The following HDAC4 variants were observed in gnomAD, a reference collection of about 807,000 sequenced individuals.
The protein encoded by HDAC4 is histone deacetylase 4.
In HDAC4, 16 loss-of-function variants were observed where a neutral mutation model predicts 135.1. The observed-to-expected ratio is 0.12, with a 90% CI of 0.08 to 0.18. The LOEUF (loss-of-function observed/expected upper bound fraction) is 0.18, where lower values mean the gene tolerates loss of function less well. Among genes scored for constraint, HDAC4 ranks in the 10% least tolerant of loss-of-function variants. HDAC4 has a pLI of 1.00. For synonymous variants in HDAC4, 685 were observed against 653.4 expected, an observed-to-expected ratio of 1.05 and a Z score of -0.74; for missense variants, 1,143 against 1,511.8, an observed-to-expected ratio of 0.76 and a Z score of 4.05.
At chr2:239,270,097 T>C (rs1245327347) in intron 2 of HDAC4, among the ~76,000 whole-genome samples, 1 of 152,206 alleles carries the variant, frequency 6.6e-6, no homozygotes, top group Non-Finnish European at 1.5e-5. Flanking sequence ...GAGCTCAGGA[T>C]GTCACCAGCC....
chr2:239,120,463 A>G (rs551621610), intron 12 of HDAC4, among the ~76,000 whole-genome samples: 1 of 152,044 alleles, frequency 6.6e-6, no homozygotes, highest in South Asian at 2.1e-4. Flanking sequence ...ACATATACAC[A>G]TGAAGAGACA....
chr2:239,335,446 C>A (rs1258845557), intron 2 of HDAC4, among the ~76,000 whole-genome samples: 1 of 134,482 alleles, frequency 7.4e-6, no homozygotes, highest in East Asian at 2.5e-4. Flanking sequence ...TATAGAATAT[C>A]TTCAAATAGG....
chr2:239,367,760 G>A (rs1414452500), intron 1 of HDAC4, among the ~76,000 whole-genome samples: 2 of 152,166 alleles, frequency 1.3e-5, no homozygotes, highest in African/African-American at 2.4e-5. Context: ...GGCTGAGGCC[G>A]GTGGATCACC....
intron 1 of HDAC4, among the ~76,000 whole-genome samples, chr2:239,358,047 G>A (rs371172597): frequency 2.6e-5 from 4 of 152,256 alleles, no homozygotes; most frequent in Middle Eastern, 3.4e-3. Context: ...CCAAGCTACC[G>A]AAGCTCACTG....
rs143329672 is a variant in HDAC4 at position 239,087,564 on chromosome 2, C to T, written c.2439G>A (p.Thr813=). 14 of 1,613,396 alleles carry T rather than the reference C, an allele frequency of 8.7e-6. No homozygotes were observed. Among genetic ancestry groups the T allele is most frequent in the South Asian group, 4.4e-5 (4 of 90,892 alleles). The change falls in exon 19 of 27, where the codon ACG becomes ACA. Residue 813 remains threonine, a synonymous_variant. Transcript: ENST00000543185. ...GGGCTGCGGCGTGTACTCACATGGG[C>T]GTGCTCTCCTCCGCATGGTGTCCAG... ...RPPGHHAEES[T]PMGFCYFNSV...
intron 9 of HDAC4, among the ~76,000 whole-genome samples, chr2:239,138,627 C>G (rs1366537752): frequency 6.6e-6 from 1 of 152,200 alleles, no homozygotes; most frequent in Non-Finnish European, 1.5e-5. Flanking sequence ...GCCCTGCAGT[C>G]AGGCCCACCC....
intron 13 of HDAC4, among the ~76,000 whole-genome samples, chr2:239,113,331 A>G (rs908690827): frequency 6.6e-6 from 1 of 151,852 alleles, no homozygotes; most frequent in Non-Finnish European, 1.5e-5. Flanking sequence ...GAGCTGCAGC[A>G]GGAGCTGGAG....
chr2:239,272,972 C>A (rs920791321), intron 2 of HDAC4, among the ~76,000 whole-genome samples: 2 of 152,182 alleles, frequency 1.3e-5, no homozygotes, highest in Admixed American at 6.5e-5. Flanking sequence ...AGAGACCAGA[C>A]CTGCAGGTCT....
At chr2:239,355,808 T>C (rs4852053) in intron 1 of HDAC4, among the ~76,000 whole-genome samples, 34,935 of 152,120 alleles carry the variant, frequency 0.23, 6,069 homozygotes, top group East Asian at 0.79. Context: ...GTGTTCACTT[T>C]AATACTGGTC....
chr2:239,202,155 G>A (rs566564022), intron 3 of HDAC4, among the ~76,000 whole-genome samples: 83 of 152,276 alleles, frequency 5.5e-4, no homozygotes, highest in African/African-American at 1.9e-3. Context: ...CCTCATCCAC[G>A]AACCTTGGAA....
At chr2:239,144,217 A>G (rs1046506920) in intron 8 of HDAC4, among the ~76,000 whole-genome samples, 1 of 152,204 alleles carries the variant, frequency 6.6e-6, no homozygotes, top group Non-Finnish European at 1.5e-5. Context: ...GGAACAGGGC[A>G]GAGCATGCGA....
intron 2 of HDAC4, among the ~76,000 whole-genome samples, chr2:239,260,170 C>A (rs1046276792): frequency 6.6e-6 from 1 of 152,232 alleles, no homozygotes; most frequent in Non-Finnish European, 1.5e-5. Flanking sequence ...AGCCCCTCTG[C>A]GGACCGCGTG....
intron 16 of HDAC4, among the ~76,000 whole-genome samples, chr2:239,099,242 G>A (rs1424046824): frequency 6.6e-6 from 1 of 152,212 alleles, no homozygotes; most frequent in Non-Finnish European, 1.5e-5. Context: ...GGTGGTAGGG[G>A]ATGGACCAAC....
At chr2:239,081,299 C>T in intron 21 of HDAC4, 107 bp from the exon 22 acceptor site, 1 of 913,470 alleles carries the variant, frequency 1.1e-6, no homozygotes, top group Non-Finnish European at 1.7e-6. Context: ...TTGGTGGGCC[C>T]CTGGGGAGAG....
At chr2:239,169,498 C>T (rs1033628952) in intron 5 of HDAC4, among the ~76,000 whole-genome samples, 6 of 152,366 alleles carry the variant, frequency 3.9e-5, no homozygotes, top group East Asian at 3.9e-4. Flanking sequence ...GGGTGGGCCC[C>T]GCCCAGCAGG....
chr2:239,099,907 G>A (rs1199369453), intron 16 of HDAC4, among the ~76,000 whole-genome samples: 1 of 152,242 alleles, frequency 6.6e-6, no homozygotes, highest in Non-Finnish European at 1.5e-5. Context: ...GCTTCCTGAG[G>A]AAGAACAGCT....
intron 3 of HDAC4, among the ~76,000 whole-genome samples, chr2:239,196,425 C>A (rs1160433689): frequency 1.3e-5 from 2 of 152,224 alleles, no homozygotes; most frequent in Non-Finnish European, 2.9e-5. Flanking sequence ...TGTCCTCTTG[C>A]TTTGCTATGA....
At chr2:239,122,961 GC>G (rs1460740204) in intron 12 of HDAC4, among the ~76,000 whole-genome samples, 2 of 152,082 alleles carry the variant, frequency 1.3e-5, no homozygotes, top group African/African-American at 4.8e-5. Flanking sequence ...AAGAGGAAGG[GC>G]CGGGACGTCA....
rs146951551 is a variant in HDAC4 at position 239,263,389 on chromosome 2, C to A, written c.23-26725G>T. Among the ~76,000 whole-genome samples, 5 of 150,464 alleles carry A rather than the reference C, an allele frequency of 3.3e-5. No homozygotes were observed. The East Asian group carries it at 1.0e-3, about 30-fold the overall frequency. On this transcript the variant is annotated intron_variant, in intron 2 of 26. Coordinates refer to ENST00000543185, the MANE Select transcript of HDAC4 (RefSeq NM_001378414.1). The stretch of plus-strand genomic sequence containing the variant: ...CGCCCAGTCCCCTGCCTGGAGATCA[C>A]CCCTTCTCTTCACAACAGGCAGCAG...
Sources: allele counts gnomAD v4.1 joint callset (sites outside exome capture counted in the v4.1 genomes callset), GRCh38; gene constraint gnomAD v4.1.1; transcripts MANE v1.5; gene names NCBI Gene and HGNC (gene_info 2026-07-23, HGNC 2026-07-21).